The following BCAS3 variants were observed in gnomAD, a reference collection of about 807,000 sequenced individuals.
The protein encoded by BCAS3 is BCAS3 microtubule associated cell migration factor.
A neutral mutation model predicts 116.1 loss-of-function variants in BCAS3; 53 were observed. The observed-to-expected ratio is 0.46, with a 90% CI of 0.37 to 0.57. The LOEUF (loss-of-function observed/expected upper bound fraction) is 0.57. Ranked by LOEUF, BCAS3 falls within the 20% of genes least tolerant of loss-of-function variation. BCAS3 has a pLI of 0.00. For synonymous variants in BCAS3, 391 were observed against 408.2 expected, an observed-to-expected ratio of 0.96 and a Z score of 0.51; for missense variants, 917 against 1,165.4, an observed-to-expected ratio of 0.79 and a Z score of 3.10.
chr17:60,701,961 G>T (rs2036471918), intron 4 of BCAS3, among the ~76,000 whole-genome samples: 1 of 152,024 alleles, frequency 6.6e-6, no homozygotes, highest in African/African-American at 2.4e-5. Context: ...GTGACAGAGT[G>T]AGACTCTGTG....
At chr17:60,788,300 C>A (rs546569253) in intron 6 of BCAS3, among the ~76,000 whole-genome samples, 7 of 152,162 alleles carry the variant, frequency 4.6e-5, no homozygotes, top group Admixed American at 1.3e-4. Flanking sequence ...AGAATTTGGA[C>A]AAGTTATTTA....
chr17:60,859,060 AT>A (rs141916072), intron 7 of BCAS3, among the ~76,000 whole-genome samples: 4,609 of 152,220 alleles, frequency 0.03, 179 homozygotes, highest in East Asian at 0.091. Flanking sequence ...CTTAGCCCAC[AT>A]TATAATGTTA....
intron 11 of BCAS3, among the ~76,000 whole-genome samples, chr17:60,908,091 T>A (rs1010115093): frequency 5.3e-5 from 8 of 152,198 alleles, no homozygotes; most frequent in Non-Finnish European, 1.0e-4. Flanking sequence ...AATTGCATAT[T>A]TGATGACTTA....
At chr17:61,288,340 G>T (rs1311114360) in intron 22 of BCAS3, among the ~76,000 whole-genome samples, 1 of 152,214 alleles carries the variant, frequency 6.6e-6, no homozygotes, top group Non-Finnish European at 1.5e-5. Context: ...TGACCTGGGT[G>T]CTTGATTCCA....
intron 5 of BCAS3, among the ~76,000 whole-genome samples, chr17:60,740,498 C>CA (rs774901641): frequency 0.066 from 3,842 of 57,802 alleles, 180 homozygotes; most frequent in African/African-American, 0.15. Flanking sequence ...GACCCTGTCT[C>CA]AAAAAAAAAA....
chr17:60,864,275 A>T (rs1186866280), intron 7 of BCAS3, among the ~76,000 whole-genome samples: 5 of 152,140 alleles, frequency 3.3e-5, no homozygotes, highest in African/African-American at 1.2e-4. Flanking sequence ...TGGAAATTGG[A>T]TTATAATGAA....
At chr17:60,793,040 T>A (rs2046911632) in intron 6 of BCAS3, among the ~76,000 whole-genome samples, 1 of 152,178 alleles carries the variant, frequency 6.6e-6, no homozygotes, top group Non-Finnish European at 1.5e-5. Context: ...GTTCTCAAGG[T>A]TCATCCATGT....
rs192822659 is a variant in BCAS3 at position 61,110,503 on chromosome 17, T to A, written c.2425+25939T>A. Among the ~76,000 whole-genome samples the A allele has an allele frequency of 2.6e-3, 400 of 152,242 alleles. 3 individuals carry two copies. The highest frequency in any genetic ancestry group is 9.3e-3 in the African/African-American group (386 of 41,542). On this transcript the variant is annotated intron_variant, in intron 22 of 23. Transcript: ENST00000407086. ...TGACGGACGCACCTGGATAATTGGG[T>A]CACTCCCACCTGAATATTGCGCTTT...
chr17:60,717,465 C>T (rs2038760327), intron 5 of BCAS3, among the ~76,000 whole-genome samples: 1 of 152,020 alleles, frequency 6.6e-6, no homozygotes, highest in Admixed American at 6.6e-5. Context: ...ATCTGCCTTC[C>T]CGGGCCTCCC....
rs1313647966 is a variant in BCAS3, at chr17:61,249,573, G to T, written c.2426-118754G>T. On this transcript the variant is annotated intron_variant, in intron 22 of 23. Coordinates refer to ENST00000407086, the MANE Select transcript of BCAS3 (RefSeq NM_017679.5). This position sits in a 1 kb window ranked among gnomAD's most constrained non-coding sequence, Gnocchi z 6.2. ...ACATAGAATTGTGTCTCTGGCTGAA[G>T]AAATAGTTTGTTTTAGGAACGCCAA... Among the ~76,000 whole-genome samples the T allele has an allele frequency of 6.6e-6, 1 of 152,294 alleles. No individual in the cohort carries two copies. Among genetic ancestry groups the T allele is most frequent in the East Asian group, 1.9e-4 (1 of 5,178 alleles).
intron 22 of BCAS3, among the ~76,000 whole-genome samples, chr17:61,133,989 T>C (rs1445456580): frequency 3.3e-5 from 5 of 151,454 alleles, no homozygotes; most frequent in Non-Finnish European, 1.5e-5. Flanking sequence ...CAAGGAGCAA[T>C]GGAGCAGAGT....
intron 22 of BCAS3, among the ~76,000 whole-genome samples, chr17:61,322,913 A>G (rs957287601): frequency 1.3e-5 from 2 of 151,324 alleles, no homozygotes; most frequent in Admixed American, 6.6e-5. Flanking sequence ...ACAGGGGCAA[A>G]TCGTCATGGA....
chr17:61,229,559 A>G lies in BCAS3; in HGVS notation c.2426-138768A>G, dbSNP rs2082550967. On this transcript the variant is annotated intron_variant, in intron 22 of 23. Coordinates refer to ENST00000407086, the MANE Select transcript of BCAS3 (RefSeq NM_017679.5). The surrounding 1 kb of genome is among the most constrained non-coding windows in gnomAD (Gnocchi z 4.4). ...TCAATTGAAGGACAGGCTGATACACAATGGCAATTAAATGTCAACATTCAT... is the reference window on the plus strand; with the variant it reads ...TCAATTGAAGGACAGGCTGATACACGATGGCAATTAAATGTCAACATTCAT... Among the ~76,000 whole-genome samples, 1 of 152,238 alleles carries G rather than the reference A, an allele frequency of 6.6e-6. No individual in the cohort carries two copies. The highest frequency in any genetic ancestry group is 6.5e-5 in the Admixed American group (1 of 15,292).
intron 22 of BCAS3, among the ~76,000 whole-genome samples, chr17:61,250,033 G>A (rs920537986): frequency 1.3e-5 from 2 of 152,122 alleles, no homozygotes; most frequent in African/African-American, 2.4e-5. Flanking sequence ...AGAAGGTTAC[G>A]AAATGGCCCT....
rs1360783705 is a variant in BCAS3 at position 61,026,916 on chromosome 17, T to G, written c.1638-7750T>G. The G allele has an allele frequency of 3.1e-6, 5 of 1,599,754 alleles. No homozygotes were observed. Among genetic ancestry groups the G allele is most frequent in the Non-Finnish European group, 3.4e-6 (4 of 1,172,166 alleles). ...TTTTCCATAAAAGCCCCATGGTGAG[T>G]TCCAGTTCAGTCCCGCATGCCTCAT... On this transcript the variant is annotated intron_variant, in intron 16 of 23. Coordinates refer to ENST00000407086, the MANE Select transcript of BCAS3 (RefSeq NM_017679.5). This position sits in a 1 kb window ranked among gnomAD's most constrained non-coding sequence, Gnocchi z 5.0.
intron 5 of BCAS3, chr17:60,727,318 G>A (rs2039985141): frequency 7.8e-7 from 1 of 1,285,676 alleles, no homozygotes; most frequent in African/African-American, 1.5e-5. Flanking sequence ...CCTTCTTCAG[G>A]AAAACTGGCC....
At chr17:60,823,423 G>T (rs150855902) in intron 7 of BCAS3, among the ~76,000 whole-genome samples, 22 of 152,202 alleles carry the variant, frequency 1.4e-4, no homozygotes, top group African/African-American at 4.3e-4. Flanking sequence ...TTGAGGGCTG[G>T]CAAAGTGGCT....
chr17:60,988,354 T>TA (rs1289456458), intron 14 of BCAS3, among the ~76,000 whole-genome samples: 1 of 145,872 alleles, frequency 6.9e-6, no homozygotes, highest in Admixed American at 6.8e-5. Context: ...TTTTTTTTTT[T>TA]TTTTTTATGT....
rs958408025 is a variant in BCAS3 at position 61,243,309 on chromosome 17, T to A, written c.2426-125018T>A. ...ACCTGCTGCTCTGGCAGAATCTCTTTCTTATTTAAAGCTGAGTAATATTCC... is the reference window on the plus strand; with the variant it reads ...ACCTGCTGCTCTGGCAGAATCTCTTACTTATTTAAAGCTGAGTAATATTCC... On this transcript the variant is annotated intron_variant, in intron 22 of 23. Transcript: ENST00000407086. This position sits in a 1 kb window ranked among gnomAD's most constrained non-coding sequence, Gnocchi z 5.6. Among the ~76,000 whole-genome samples the A allele has an allele frequency of 1.3e-5, 2 of 152,264 alleles. No individual in the cohort carries two copies. The highest frequency in any genetic ancestry group is 2.4e-5 in the African/African-American group (1 of 41,470).
Sources: gnomAD v4.1 joint callset for allele counts (sites outside exome capture counted in the v4.1 genomes callset) on GRCh38, gnomAD v4.1.1 for gene constraint, Gnocchi (gnomAD v3.1) non-coding constraint, MANE v1.5 for transcripts, NCBI Gene and HGNC (gene_info 2026-07-23, HGNC 2026-07-21) for gene names.